The following ZNF410 variants were observed in gnomAD, a reference collection of about 807,000 sequenced individuals.
ZNF410 encodes the protein another partner for ARF 1.
In ZNF410, 18 loss-of-function variants were observed where a neutral mutation model predicts 54.8. That is an observed-to-expected ratio of 0.33 (90% CI 0.23 to 0.49). The LOEUF is 0.49. ZNF410 is among the 20% of genes least tolerant of loss of function. The pLI, the probability that ZNF410 is intolerant of heterozygous loss-of-function variation, is 0.99. For missense variants in ZNF410, 405 were observed against 569.6 expected (o/e 0.71, Z 2.94); for synonymous variants, 191 against 207.3 (o/e 0.92, Z 0.68).
chr14:73,909,758 T>C (rs1297798274), intron 8 of ZNF410, among the ~76,000 whole-genome samples: 1 of 152,186 alleles, frequency 6.6e-6, no homozygotes, highest in African/African-American at 2.4e-5. Flanking sequence ...ATTTTTATCC[T>C]TGGGGAGGAT....
At chr14:73,903,908 AGTATCTGAGTAGG>A in intron 5 of ZNF410, 39 bp from the exon 6 acceptor site, 8 of 1,603,738 alleles carry the variant, frequency 5.0e-6, no homozygotes, top group Non-Finnish European at 6.8e-6. Flanking sequence ...TTTGAGCCTA[AGTATCTGAGTAGG>A]GTCTTTCCCT....
intron 10 of ZNF410, 110 bp from the exon 11 acceptor site, chr14:73,923,285 T>C: frequency 8.1e-7 from 1 of 1,227,460 alleles, no homozygotes; most frequent in Non-Finnish European, 1.1e-6. Context: ...TAGAGGAATG[T>C]GGGAAATAGA....
chr14:73,929,965 C>T (rs1448780866), intron 11 of ZNF410, among the ~76,000 whole-genome samples: 1 of 152,148 alleles, frequency 6.6e-6, no homozygotes, highest in African/African-American at 2.4e-5. Flanking sequence ...CAACTGGGAA[C>T]CCCAGGGCTT....
chr14:73,923,909 G>A (rs2055790982), intron 11 of ZNF410, among the ~76,000 whole-genome samples: 1 of 152,094 alleles, frequency 6.6e-6, no homozygotes, highest in South Asian at 2.1e-4. Context: ...GTGTAAATTG[G>A]GTGAAATTTC....
At chr14:73,903,076 C>T (rs1425395972) in intron 5 of ZNF410, among the ~76,000 whole-genome samples, 1 of 152,186 alleles carries the variant, frequency 6.6e-6, no homozygotes, top group Non-Finnish European at 1.5e-5. Context: ...AAATGGCTGT[C>T]AGAGCCCACA....
At chr14:73,895,934 T>C (rs1385485623) in intron 3 of ZNF410, among the ~76,000 whole-genome samples, 1 of 152,196 alleles carries the variant, frequency 6.6e-6, no homozygotes, top group Non-Finnish European at 1.5e-5. Flanking sequence ...GAGAGGGAGC[T>C]CTCTCCAGGA....
chr14:73,896,161 T>C (rs2055314368), intron 3 of ZNF410, 155 bp from the exon 4 acceptor site: 1 of 620,972 alleles, frequency 1.6e-6, no homozygotes, highest in African/African-American at 1.8e-5. Context: ...CATCTCTCTG[T>C]TCTTCTGTGA....
intron 8 of ZNF410, 74 bp from the exon 9 acceptor site, chr14:73,920,906 T>G: frequency 4.4e-6 from 7 of 1,582,416 alleles, no homozygotes; most frequent in Middle Eastern, 1.7e-4. Flanking sequence ...TTCTCTGGGT[T>G]TCTCCATCTA....
intron 7 of ZNF410, among the ~76,000 whole-genome samples, chr14:73,909,013 A>G (rs1232684744): frequency 1.3e-5 from 2 of 152,234 alleles, no homozygotes; most frequent in Non-Finnish European, 2.9e-5. Flanking sequence ...AAATCCTGAC[A>G]GCATATACAG....
intron 2 of ZNF410, 192 bp from the exon 3 acceptor site, chr14:73,893,605 G>T (rs949814179): frequency 3.6e-6 from 2 of 554,584 alleles, no homozygotes; most frequent in African/African-American, 3.9e-5. Context: ...TGCAGCACAT[G>T]ACTTTATATA....
chr14:73,900,965 A>T (rs572763978), intron 5 of ZNF410, among the ~76,000 whole-genome samples: 2 of 152,350 alleles, frequency 1.3e-5, no homozygotes, highest in East Asian at 3.9e-4. Context: ...ACTAACATGT[A>T]ATGAAGTGAT....
At chr14:73,931,356 G>A (rs376012631) in intron 11 of ZNF410, 147 bp from the exon 12 acceptor site, 11 of 638,700 alleles carry the variant, frequency 1.7e-5, no homozygotes, top group East Asian at 1.6e-4. Context: ...CTATCAGTCC[G>A]TGCATGTGTT....
chr14:73,917,353 G>A lies in ZNF410; in HGVS notation c.1004-3627G>A, dbSNP rs541963139. Among the ~76,000 whole-genome samples, 3 of 152,136 alleles carry A rather than the reference G, an allele frequency of 2.0e-5. No individual in the cohort carries two copies. In the East Asian group the frequency reaches 5.8e-4, roughly 29 times the overall value. On this transcript the variant is annotated intron_variant, in intron 8 of 11. Transcript: ENST00000555044. ...TTTGCTTCAGTTTCTTTTTCAAAAA[G>A]CCTTGATTATAGGTGTGTCTCTTTA...
chr14:73,931,207 G>GATTC, intron 11 of ZNF410, among the ~76,000 whole-genome samples: 1 of 152,238 alleles, frequency 6.6e-6, no homozygotes, highest in East Asian at 1.9e-4. Flanking sequence ...GTAAGTTAGA[G>GATTC]ATTCCTCTGT....
At chr14:73,905,958 CACACACACACATATATAT>C (rs2055478972) in intron 7 of ZNF410, among the ~76,000 whole-genome samples, 1 of 21,930 alleles carries the variant, frequency 4.6e-5, no homozygotes, top group Non-Finnish European at 1.1e-4. Flanking sequence ...CACACACACA[CACACACACACATATATAT>C]ATATATATAT....
chr14:73,920,108 C>G (rs2055734936), intron 8 of ZNF410: 1 of 152,046 alleles, frequency 6.6e-6, no homozygotes, highest in Non-Finnish European at 1.5e-5. Context: ...AGGGCAAGTG[C>G]ATCTACAATT....
chr14:73,923,557 A>G lies in ZNF410; in HGVS notation c.1398+35A>G, dbSNP rs150102233. 639 of 1,594,118 alleles carry G rather than the reference A, an allele frequency of 4.0e-4. 1 individual carries two copies. The African/African-American group carries it at 4.8e-3, about 12-fold the overall frequency. On this transcript the variant is annotated intron_variant, in intron 11 of 11. Transcript: ENST00000555044. ...TCTCTTGCCCTTTGTTTCTGTGACAATTCATGTGGGGAATGATTGAGAATT... is the reference window on the plus strand; with the variant it reads ...TCTCTTGCCCTTTGTTTCTGTGACAGTTCATGTGGGGAATGATTGAGAATT...
At chr14:73,904,842 C>G (rs1450807636) in intron 6 of ZNF410, 60 bp from the exon 7 acceptor site, 10 of 1,560,576 alleles carry the variant, frequency 6.4e-6, no homozygotes, top group Non-Finnish European at 6.9e-6. Context: ...GGGGCTTTGA[C>G]TTGTCATCTC....
At position 73,921,063 on chromosome 14, in the gene ZNF410, C is replaced by T. The variant is rs1235924357; in HGVS notation, c.1087C>T (p.Leu363=). The change falls in exon 9 of 12, where the codon CTG becomes TTG. Residue 363 remains leucine (L), a synonymous_variant. Coordinates refer to ENST00000555044, the MANE Select transcript of ZNF410 (RefSeq NM_021188.3). ...SRNVHMRKHH[L]QLGAAGSQEQ... ...GAATGTGCATATGAGAAAGCATCAC[C>T]TGCAGCTGGGAGCAGCTGGGAGTCA... 9 of 1,614,014 alleles carry T rather than the reference C, an allele frequency of 5.6e-6. No individual in the cohort carries two copies. The highest frequency in any genetic ancestry group is 2.2e-5 in the East Asian group (1 of 44,872).
Sources: gnomAD v4.1 joint callset for allele counts (sites outside exome capture counted in the v4.1 genomes callset) on GRCh38, gnomAD v4.1.1 for gene constraint, MANE v1.5 for transcripts, NCBI Gene and HGNC (gene_info 2026-07-23, HGNC 2026-07-21) for gene names.